The following RGS6 variants were observed in gnomAD, a reference collection of about 807,000 sequenced individuals.
The protein encoded by RGS6 is regulator of G protein signaling 6.
RGS6 carries 30 observed loss-of-function variants against 78.5 expected under a neutral mutation model. The observed-to-expected ratio is 0.38, with a 90% CI of 0.29 to 0.52. RGS6 has a LOEUF of 0.52. Ranked by LOEUF, RGS6 falls within the 20% of genes least tolerant of loss-of-function variation. RGS6 has a pLI of 0.85. For missense variants in RGS6, 495 were observed against 609.7 expected (o/e 0.81, Z 1.98); for synonymous variants, 206 against 206.0 (o/e 1.00, Z 0.00).
intron 2 of RGS6, among the ~76,000 whole-genome samples, chr14:71,971,141 G>A (rs1434795065): frequency 6.6e-6 from 1 of 152,170 alleles, no homozygotes; most frequent in East Asian, 1.9e-4. Flanking sequence ...AAGGAGTTTA[G>A]ACATTGTAAA....
intron 7 of RGS6, among the ~76,000 whole-genome samples, chr14:72,469,056 C>T (rs568868038): frequency 2.6e-5 from 4 of 152,226 alleles, no homozygotes; most frequent in Admixed American, 2.0e-4. Flanking sequence ...CTCCCCTCCT[C>T]GCCGCCCATC....
At chr14:72,139,818 C>T (rs1417138593) in intron 2 of RGS6, among the ~76,000 whole-genome samples, 2 of 151,932 alleles carry the variant, frequency 1.3e-5, no homozygotes, top group Non-Finnish European at 2.9e-5. Context: ...AAGAGTCCTT[C>T]ACATTACTCA....
At chr14:72,413,075 C>G (rs2093548390) in intron 3 of RGS6, among the ~76,000 whole-genome samples, 1 of 152,160 alleles carries the variant, frequency 6.6e-6, no homozygotes, top group African/African-American at 2.4e-5. Flanking sequence ...CTGTAGATGT[C>G]TATTAGGTCC....
chr14:72,062,028 C>T (rs1173711608), intron 2 of RGS6, among the ~76,000 whole-genome samples: 1 of 152,112 alleles, frequency 6.6e-6, no homozygotes, highest in African/African-American at 2.4e-5. Context: ...AAGAAAGGTA[C>T]AGTGTGGTAT....
At chr14:71,874,137 T>C in the RGS6 span, among the ~76,000 whole-genome samples, 1 of 152,180 alleles carries the variant, frequency 6.6e-6, no homozygotes, top group Non-Finnish European at 1.5e-5. Context: ...TCTTTTTTGG[T>C]TCCATATGAA....
At chr14:72,417,033 T>C (rs2093864373) in intron 3 of RGS6, among the ~76,000 whole-genome samples, 1 of 152,170 alleles carries the variant, frequency 6.6e-6, no homozygotes, top group African/African-American at 2.4e-5. Flanking sequence ...TCCCTGTCAC[T>C]GTTGCTGCTG....
intron 2 of RGS6, among the ~76,000 whole-genome samples, chr14:72,183,604 C>A (rs1005369733): frequency 6.6e-6 from 1 of 152,188 alleles, no homozygotes; most frequent in Admixed American, 6.5e-5. Context: ...TACATTACAG[C>A]AGGGGGACAT....
the RGS6 span, among the ~76,000 whole-genome samples, chr14:72,604,969 T>G: frequency 6.6e-6 from 1 of 152,096 alleles, no homozygotes; most frequent in South Asian, 2.1e-4. Flanking sequence ...CAGATGCCAG[T>G]TGGGCCCAGG....
chr14:72,428,129 A>ATG (rs754595706), intron 3 of RGS6, among the ~76,000 whole-genome samples: 1 of 152,244 alleles, frequency 6.6e-6, no homozygotes, highest in Non-Finnish European at 1.5e-5. Flanking sequence ...GATGTTCCAG[A>ATG]TGTGTGTGTG....
Position 72,563,832 on chromosome 14 carries a change from T to A in RGS6, c.*1365T>A, listed in dbSNP as rs978258360. ...CAGAGCTGTATTAAGTAACCTGTTT[T>A]GAATCCAGACATTCACTCCCCCACT... On this transcript the variant is annotated 3_prime_UTR_variant, in exon 18 of 18. Transcript: ENST00000553525. 6.6e-6 allele frequency: 1 copy of A among 152,194 alleles called. No individual in the cohort carries two copies. The highest frequency in any genetic ancestry group is 2.4e-5 in the African/African-American group (1 of 41,436). 9.4% of individuals were successfully genotyped at this position (152,194 alleles called of 1,614,324 possible).
intron 1 of RGS6, among the ~76,000 whole-genome samples, chr14:71,963,031 C>T (rs887994035): frequency 6.6e-6 from 1 of 152,140 alleles, no homozygotes; most frequent in Non-Finnish European, 1.5e-5. Context: ...ACTTTTATGG[C>T]TTTATACTCT....
intron 2 of RGS6, among the ~76,000 whole-genome samples, chr14:72,132,440 G>A (rs939954689): frequency 2.6e-5 from 4 of 152,000 alleles, no homozygotes; most frequent in South Asian, 4.2e-4. Flanking sequence ...CACCATGCCC[G>A]GCTAGCTTTT....
At chr14:72,284,754 G>A (rs761906395) in intron 2 of RGS6, among the ~76,000 whole-genome samples, 2 of 152,200 alleles carry the variant, frequency 1.3e-5, no homozygotes, top group African/African-American at 2.4e-5. Flanking sequence ...TCCACTAACA[G>A]CTTGTATCGT....
intron 1 of RGS6, among the ~76,000 whole-genome samples, chr14:71,941,126 G>C (rs192034544): frequency 6.6e-6 from 1 of 152,246 alleles, no homozygotes; most frequent in Non-Finnish European, 1.5e-5. Flanking sequence ...CACTTTGTCC[G>C]TTGAACTTAA....
chr14:72,350,354 T>G (rs1051380602), intron 2 of RGS6, among the ~76,000 whole-genome samples: 2 of 152,130 alleles, frequency 1.3e-5, no homozygotes, highest in Admixed American at 1.3e-4. Flanking sequence ...GCTGCACACC[T>G]GGGTAGCTGT....
chr14:72,375,620 A>G (rs2084502506), intron 3 of RGS6, among the ~76,000 whole-genome samples: 1 of 152,242 alleles, frequency 6.6e-6, no homozygotes, highest in Non-Finnish European at 1.5e-5. Context: ...CCAGACCCCA[A>G]GAAAGCTGAC....
intron 2 of RGS6, among the ~76,000 whole-genome samples, chr14:72,307,103 C>G (rs529858271): frequency 6.6e-6 from 1 of 152,332 alleles, no homozygotes; most frequent in South Asian, 2.1e-4. Context: ...CCATCAACAT[C>G]AAGGCAAAAC....
chr14:71,908,904 C>G, the RGS6 span, among the ~76,000 whole-genome samples: 2 of 152,176 alleles, frequency 1.3e-5, no homozygotes, highest in African/African-American at 4.8e-5. Context: ...TAACCACATT[C>G]TAAGCTGACC....
chr14:71,883,609 C>T, the RGS6 span, among the ~76,000 whole-genome samples: 2 of 152,146 alleles, frequency 1.3e-5, no homozygotes, highest in African/African-American at 4.8e-5. Flanking sequence ...TTCTAAGTCG[C>T]AGGATGAGAG....
Sources: allele counts gnomAD v4.1 joint callset (sites outside exome capture counted in the v4.1 genomes callset), GRCh38; gene constraint gnomAD v4.1.1; transcripts MANE v1.5; gene names NCBI Gene and HGNC (gene_info 2026-07-23, HGNC 2026-07-21).